CCDC134: variants seen among roughly 807,000 people sequenced by gnomAD.
CCDC134 encodes the protein coiled-coil domain-containing protein 134.
In CCDC134, 27 loss-of-function variants were observed where a neutral mutation model predicts 25.6. That is an observed-to-expected ratio of 1.05 (90% CI 0.78 to 1.45). The LOEUF is 1.45. Among genes scored for constraint, CCDC134 ranks in the 40% most tolerant of loss-of-function variants. The probability of loss-of-function intolerance (pLI) is 0.00; values close to 1 mark genes in which losing one functional copy is unlikely to be tolerated. For missense variants in CCDC134, 261 were observed against 286.7 expected, an observed-to-expected ratio of 0.91 and a Z score of 0.65; for synonymous variants, 110 against 115.0, an observed-to-expected ratio of 0.96 and a Z score of 0.28.
chr22:41,813,415 C>A lies in CCDC134; in HGVS notation c.462C>A (p.Asn154Lys). Residue 154 changes from asparagine to lysine, a missense_variant, in exon 5 of 7, where the codon AAC becomes AAA. Physicochemically the swap from Asn to Lys is moderately conservative, Grantham distance 94 (BLOSUM62 0). Transcript: ENST00000255784. ...TCTGCAACCAGACAGGCGTCTTCAA[C>A]CAGGGGCCCCACTCGCCCATCCTCA... The part of the protein sequence containing the change: ...ISFCNQTGVF[N>K]QGPHSPILSL... The A allele has an allele frequency of 6.2e-7, 1 of 1,614,218 alleles. No individual in the cohort carries two copies. The highest frequency in any genetic ancestry group is 1.1e-5 in the South Asian group (1 of 91,082).
rs370069198 is a variant in CCDC134 at position 41,813,840 on chromosome 22, A to G, written c.564+18A>G. The G allele has an allele frequency of 6.2e-7, 1 of 1,612,386 alleles. No individual in the cohort carries two copies. Among genetic ancestry groups the G allele is most frequent in the South Asian group, 1.1e-5 (1 of 91,044 alleles). On this transcript the variant is annotated intron_variant, in intron 6 of 6. Coordinates refer to ENST00000255784, the MANE Select transcript of CCDC134 (RefSeq NM_024821.5). The stretch of plus-strand genomic sequence containing the variant: ...GCACAGAGGTGAGCTGCCAGGGCCT[A>G]TGCCTGTGTCTGCTTTGCCTCTGCT...
intron 4 of CCDC134, among the ~76,000 whole-genome samples, chr22:41,812,340 T>G (rs1273039250): frequency 6.7e-6 from 1 of 148,784 alleles, no homozygotes; most frequent in Non-Finnish European, 1.5e-5. Context: ...GAGAATCACT[T>G]GAACCCGCGA....
rs1484093336 is a variant in CCDC134, at chr22:41,827,173, C to T, written c.*1350C>T. ...GGAAGGGCCCAGAACATCCTGCACC[C>T]ATCAGTTACTCGGAAGTAAGGGGAC... is the stretch of plus-strand genomic sequence containing the variant. On this transcript the variant is annotated 3_prime_UTR_variant, in exon 7 of 7. Transcript: ENST00000255784. Among the ~76,000 whole-genome samples the T allele has an allele frequency of 6.6e-6, 1 of 152,210 alleles. No homozygotes were observed. The highest frequency in any genetic ancestry group is 1.5e-5 in the Non-Finnish European group (1 of 68,044).
At chr22:41,809,081 C>A in intron 2 of CCDC134, 88 bp downstream of exon 2, 2 of 1,122,508 alleles carry the variant, frequency 1.8e-6, no homozygotes, top group Non-Finnish European at 1.3e-6. Context: ...GATAAGCAGG[C>A]CCAGCTGGCG....
At chr22:41,810,636 C>T (rs1191741245) in intron 4 of CCDC134, among the ~76,000 whole-genome samples, 1 of 151,604 alleles carries the variant, frequency 6.6e-6, no homozygotes, top group Admixed American at 6.6e-5. Context: ...GCTGGGACTA[C>T]AGGCACATGC....
At chr22:41,817,878 T>C (rs2076630437) in intron 6 of CCDC134, among the ~76,000 whole-genome samples, 2 of 152,094 alleles carry the variant, frequency 1.3e-5, no homozygotes, top group African/African-American at 4.8e-5. Context: ...GGAAGGAGTG[T>C]CATCCAAGCA....
chr22:41,803,435 CT>C (rs1265823868), intron 1 of CCDC134, among the ~76,000 whole-genome samples: 1 of 152,080 alleles, frequency 6.6e-6, no homozygotes, highest in African/African-American at 2.4e-5. Context: ...AGGAGTGATA[CT>C]TCAACAAAAA....
chr22:41,804,102 C>T (rs1345742812), intron 1 of CCDC134, among the ~76,000 whole-genome samples: 1 of 152,130 alleles, frequency 6.6e-6, no homozygotes, highest in African/African-American at 2.4e-5. Context: ...CACTGCACTC[C>T]AGCCTGGACG....
chr22:41,814,057 TAGG>T (rs1251228607), intron 6 of CCDC134, among the ~76,000 whole-genome samples: 1 of 152,140 alleles, frequency 6.6e-6, no homozygotes, highest in Non-Finnish European at 1.5e-5. Context: ...GGGGGGTAGT[TAGG>T]AGGCTATGAA....
intron 3 of CCDC134, 33 bp from the exon 4 acceptor site, chr22:41,810,146 GGATGGGAGCAGTCTGTGATGGGCACTGC>G: frequency 6.3e-7 from 1 of 1,596,656 alleles, no homozygotes; most frequent in Non-Finnish European, 8.6e-7. Flanking sequence ...AAATAAATGG[GGATGGGAGCAGTCTGTGATGGGCACTGC>G]GAAGCCACTC....
intron 2 of CCDC134, 32 bp downstream of exon 2, chr22:41,809,025 C>A: frequency 6.5e-7 from 1 of 1,537,606 alleles, no homozygotes. Flanking sequence ...AATGAGCTGT[C>A]TTTGAGAGGT....
At chr22:41,810,185 A>C (rs370344564) in intron 3 of CCDC134, 22 bp from the exon 4 acceptor site, 1 of 1,613,080 alleles carries the variant, frequency 6.2e-7, no homozygotes, top group African/African-American at 1.3e-5. Context: ...GAAGCCACTC[A>C]GCCCTGGCGG....
At position 41,809,906 on chromosome 22, in the gene CCDC134, G is replaced by A. The variant is rs750205388; in HGVS notation, c.131G>A (p.Arg44Gln). ...IYKKMFEVKR[R>Q]EQLLALKNLA... The stretch of plus-strand genomic sequence containing the variant: ...AAGAAGATGTTTGAGGTGAAGCGGC[G>A]GGAGCAGCTGTTGGCACTGAAGAAC... The change falls in exon 3 of 7, where the codon CGG becomes CAG. Residue 44 changes from arginine (R) to glutamine (Q), a missense_variant. Arg to Gln is a conservative substitution (Grantham distance 43, BLOSUM62 1). Coordinates refer to ENST00000255784, the MANE Select transcript of CCDC134 (RefSeq NM_024821.5). 60 of 1,614,008 alleles carry A rather than the reference G, an allele frequency of 3.7e-5. No individual in the cohort carries two copies. The highest frequency in any genetic ancestry group is 5.0e-5 in the Admixed American group (3 of 59,986).
intron 5 of CCDC134, 69 bp downstream of exon 5, chr22:41,813,514 C>T: frequency 6.4e-7 from 1 of 1,554,712 alleles, no homozygotes; most frequent in Non-Finnish European, 8.8e-7. Context: ...TCACATCTGC[C>T]TTCAGTTGGG....
rs2076695255 is a variant in CCDC134, at chr22:41,829,558, T to G, written c.*3735T>G. On this transcript the variant is annotated 3_prime_UTR_variant, in exon 7 of 7. Transcript: ENST00000255784. ...TTTTGGTTAATCCAATTGGAAGGCT[T>G]CCTAGAGGAAGTAATATCTGAACTG... Among the ~76,000 whole-genome samples, 1 of 152,280 alleles carries G rather than the reference T, an allele frequency of 6.6e-6. No homozygotes were observed. Among genetic ancestry groups the G allele is most frequent in the South Asian group, 2.1e-4 (1 of 4,822 alleles).
chr22:41,802,597 C>T (rs111399631), intron 1 of CCDC134, among the ~76,000 whole-genome samples: 2,031 of 152,162 alleles, frequency 0.013, 47 homozygotes, highest in African/African-American at 0.047. Flanking sequence ...TGAAGAAACC[C>T]GTCTCTACTA....
chr22:41,809,344 C>G (rs1004716917), intron 2 of CCDC134, among the ~76,000 whole-genome samples: 5 of 152,104 alleles, frequency 3.3e-5, no homozygotes, highest in Non-Finnish European at 5.9e-5. Flanking sequence ...CTCAAGGACA[C>G]GAAGATGAAT....
intron 6 of CCDC134, among the ~76,000 whole-genome samples, chr22:41,817,703 G>T (rs1317412839): frequency 6.6e-6 from 1 of 151,578 alleles, no homozygotes; most frequent in Non-Finnish European, 1.5e-5. Context: ...CTGCACTCCA[G>T]CCTGGGCAAC....
intron 6 of CCDC134, among the ~76,000 whole-genome samples, chr22:41,815,500 C>T (rs1249117587): frequency 6.6e-6 from 1 of 152,020 alleles, no homozygotes; most frequent in Non-Finnish European, 1.5e-5. Context: ...CCACCGCACC[C>T]GGCCTAACTC....
Sources: allele counts gnomAD v4.1 joint callset (sites outside exome capture counted in the v4.1 genomes callset), GRCh38; gene constraint gnomAD v4.1.1; transcripts MANE v1.5; gene names NCBI Gene and HGNC (gene_info 2026-07-23, HGNC 2026-07-21).